Variants in TEAD4 observed in about 807,000 individuals in gnomAD.
TEAD4 encodes transcriptional enhancer factor TEF-3.
In TEAD4, 36 loss-of-function variants were observed where a neutral mutation model predicts 52.4. That is an observed-to-expected ratio of 0.69 (90% CI 0.53 to 0.91). The LOEUF is 0.91. Ranked by LOEUF, TEAD4 falls within the 40% of genes least tolerant of loss-of-function variation. TEAD4 has a pLI of 0.00. For synonymous variants in TEAD4, 220 were observed against 231.0 expected, an observed-to-expected ratio of 0.95 and a Z score of 0.43; for missense variants, 508 against 583.9, an observed-to-expected ratio of 0.87 and a Z score of 1.34.
At chr12:3,005,064 T>G (rs1160688155) in intron 3 of TEAD4, among the ~76,000 whole-genome samples, 1 of 152,096 alleles carries the variant, frequency 6.6e-6, no homozygotes, top group African/African-American at 2.4e-5. Context: ...AAAGCACAAC[T>G]TTAACAAATA....
intron 2 of TEAD4, among the ~76,000 whole-genome samples, chr12:2,985,604 T>C (rs2098237690): frequency 7.0e-6 from 1 of 143,042 alleles, no homozygotes; most frequent in Non-Finnish European, 1.5e-5. Context: ...CTCCCGGGTT[T>C]AAGCGGTTCT....
intron 9 of TEAD4, among the ~76,000 whole-genome samples, chr12:3,021,007 G>A (rs980327172): frequency 1.3e-5 from 2 of 151,248 alleles, no homozygotes; most frequent in Non-Finnish European, 2.9e-5. Flanking sequence ...TCAGCGTCAC[G>A]CTCCTCCCTC....
chr12:3,032,991 G>A (rs1275932019), intron 10 of TEAD4, among the ~76,000 whole-genome samples: 1 of 152,222 alleles, frequency 6.6e-6, no homozygotes, highest in African/African-American at 2.4e-5. Flanking sequence ...ATCAGCTGGT[G>A]TGAACTTGGC....
chr12:3,008,672 T>C (rs1474323055), intron 3 of TEAD4, among the ~76,000 whole-genome samples: 3 of 152,012 alleles, frequency 2.0e-5, no homozygotes, highest in African/African-American at 7.3e-5. Context: ...GTTTTGGAGG[T>C]AGAGCCACAC....
intron 2 of TEAD4, among the ~76,000 whole-genome samples, chr12:2,989,883 A>T (rs2098241687): frequency 1.3e-5 from 2 of 152,172 alleles, no homozygotes; most frequent in Admixed American, 1.3e-4. Context: ...CCTGGTTAGG[A>T]TTCAGCATGG....
intron 2 of TEAD4, among the ~76,000 whole-genome samples, chr12:2,966,012 G>A (rs186230158): frequency 1.6e-4 from 24 of 152,122 alleles, no homozygotes; most frequent in Non-Finnish European, 8.8e-5. Flanking sequence ...AGGTGTACAC[G>A]GTTGCACTCA....
intron 2 of TEAD4, among the ~76,000 whole-genome samples, chr12:2,962,346 A>ATTTTTT (rs1555118355): frequency 1.0e-4 from 13 of 128,056 alleles, no homozygotes; most frequent in Non-Finnish European, 1.7e-4. Flanking sequence ...ATATATATAT[A>ATTTTTT]TTTTTTGAGA....
chr12:3,031,077 T>C (rs1343145378), intron 10 of TEAD4, among the ~76,000 whole-genome samples: 1 of 152,144 alleles, frequency 6.6e-6, no homozygotes, highest in East Asian at 1.9e-4. Flanking sequence ...TGCTGTCCAC[T>C]TTTTCTCAGG....
chr12:2,981,839 C>T (rs1323432509), intron 2 of TEAD4, among the ~76,000 whole-genome samples: 7 of 152,094 alleles, frequency 4.6e-5, no homozygotes, highest in Non-Finnish European at 8.8e-5. Flanking sequence ...TCCTCTTTCA[C>T]CTGTCTCATT....
At chr12:3,011,645 A>G (rs1441006425) in intron 4 of TEAD4, among the ~76,000 whole-genome samples, 2 of 152,102 alleles carry the variant, frequency 1.3e-5, no homozygotes, top group Admixed American at 6.5e-5. Context: ...TAGGACAGAC[A>G]GTAAAACATT....
intron 2 of TEAD4, among the ~76,000 whole-genome samples, chr12:2,972,648 C>A (rs750975391): frequency 6.6e-6 from 1 of 151,094 alleles, no homozygotes; most frequent in East Asian, 1.9e-4. Flanking sequence ...TACAGGCATG[C>A]GCCACCATAC....
intron 2 of TEAD4, among the ~76,000 whole-genome samples, chr12:2,972,033 G>T (rs967858483): frequency 1.3e-5 from 2 of 149,652 alleles, no homozygotes; most frequent in African/African-American, 4.9e-5. Flanking sequence ...GGCTGGTCTC[G>T]AACTCCTGAC....
At chr12:3,002,427 A>G (rs1350810271) in intron 3 of TEAD4, among the ~76,000 whole-genome samples, 1 of 152,244 alleles carries the variant, frequency 6.6e-6, no homozygotes, top group African/African-American at 2.4e-5. Context: ...AGGAACCACC[A>G]AACTGTTTTC....
At chr12:3,027,750 C>G (rs2098272924) in intron 10 of TEAD4, among the ~76,000 whole-genome samples, 2 of 152,122 alleles carry the variant, frequency 1.3e-5, no homozygotes, top group South Asian at 4.1e-4. Context: ...GCCTGTAATC[C>G]AAGCTACTCA....
At chr12:2,985,501 CTTTTTTT>C (rs560522260) in intron 2 of TEAD4, among the ~76,000 whole-genome samples, 2 of 83,022 alleles carry the variant, frequency 2.4e-5, no homozygotes, top group African/African-American at 9.3e-5. Flanking sequence ...TTTACAAAAT[CTTTTTTT>C]TTTTTTTTTT....
At chr12:3,020,512 G>A (rs147054136) in intron 8 of TEAD4, 122 bp from the exon 9 acceptor site, 769 of 1,242,648 alleles carry the variant, frequency 6.2e-4, no homozygotes, top group Non-Finnish European at 7.7e-4. Flanking sequence ...GTCCATTTAG[G>A]GAGACAGGCG....
At chr12:2,981,811 A>G (rs1278811204) in intron 2 of TEAD4, among the ~76,000 whole-genome samples, 1 of 152,140 alleles carries the variant, frequency 6.6e-6, no homozygotes, top group Non-Finnish European at 1.5e-5. Flanking sequence ...CACCTGGAAG[A>G]AGGCTGGGGT....
intron 2 of TEAD4, among the ~76,000 whole-genome samples, chr12:2,961,253 G>T (rs1328640449): frequency 6.6e-6 from 1 of 152,092 alleles, no homozygotes; most frequent in African/African-American, 2.4e-5. Flanking sequence ...AGCTGACCAG[G>T]TAACCCAGTA....
At position 3,040,275 on chromosome 12, in the gene TEAD4, T is replaced by G; in HGVS notation, c.1191+16T>G. 1 of 1,614,114 alleles carries G rather than the reference T, an allele frequency of 6.2e-7. No individual in the cohort carries two copies. Among genetic ancestry groups the G allele is most frequent in the Non-Finnish European group, 8.5e-7 (1 of 1,179,964 alleles). ...CATCCTGCAGGTGTGCGGCGGGTGC[T>G]GCGGGTGTGGCTGGAGTCTGTGTGT... On this transcript the variant is annotated intron_variant, in intron 12 of 12. Transcript: ENST00000359864.
Sources: allele counts gnomAD v4.1 joint callset (sites outside exome capture counted in the v4.1 genomes callset), GRCh38; gene constraint gnomAD v4.1.1; transcripts MANE v1.5; gene names NCBI Gene and HGNC (gene_info 2026-07-23, HGNC 2026-07-21).